The following SDK1 variants were observed in gnomAD, a reference collection of about 807,000 sequenced individuals.
The protein encoded by SDK1 is sidekick cell adhesion molecule 1, also known as protein sidekick-1.
SDK1 carries 157 observed loss-of-function variants against 245.5 expected under a neutral mutation model. That is an observed-to-expected ratio of 0.64 (90% confidence interval 0.56 to 0.73). SDK1 has a LOEUF of 0.73. Among genes scored for constraint, SDK1 ranks in the 30% least tolerant of loss-of-function variants. The pLI is 0.00. For missense variants in SDK1, 3,583 were observed against 3,002.3 expected, an observed-to-expected ratio of 1.19 and a Z score of -4.52; for synonymous variants, 1,647 against 1,278.5, an observed-to-expected ratio of 1.29 and a Z score of -6.15.
chr7:4,222,922 C>A (rs955510484), intron 40 of SDK1, among the ~76,000 whole-genome samples: 1 of 152,074 alleles, frequency 6.6e-6, no homozygotes, highest in Non-Finnish European at 1.5e-5. Flanking sequence ...GGTTCTGGGG[C>A]CAAATTGAGG....
chr7:3,799,128 T>A (rs1463019428), intron 4 of SDK1, among the ~76,000 whole-genome samples: 2 of 152,200 alleles, frequency 1.3e-5, no homozygotes, highest in African/African-American at 4.8e-5. Context: ...TCATGTTTCT[T>A]CTCCTCTTTA....
intron 7 of SDK1, chr7:3,952,190 C>G: frequency 4.3e-6 from 2 of 469,868 alleles, no homozygotes; most frequent in Non-Finnish European, 7.5e-6. Flanking sequence ...GCGGTGAAAC[C>G]CCTGTCATAT....
intron 41 of SDK1, among the ~76,000 whole-genome samples, chr7:4,233,813 C>T (rs1191246603): frequency 6.6e-6 from 1 of 152,160 alleles, no homozygotes; most frequent in Non-Finnish European, 1.5e-5. Context: ...GGCAGGACCC[C>T]AGGCCCCAGA....
intron 1 of SDK1, among the ~76,000 whole-genome samples, chr7:3,407,984 T>G (rs1779097399): frequency 1.3e-5 from 2 of 151,816 alleles, no homozygotes. Context: ...AGAGAGAACC[T>G]AAAAAGACTT....
intron 4 of SDK1, among the ~76,000 whole-genome samples, chr7:3,643,948 G>C (rs1782738491): frequency 6.7e-6 from 1 of 150,096 alleles, no homozygotes; most frequent in Non-Finnish European, 1.5e-5. Flanking sequence ...TGTCACCCAG[G>C]CTGAGGTACA....
intron 44 of SDK1, among the ~76,000 whole-genome samples, chr7:4,249,908 A>G (rs774429186): frequency 7.2e-5 from 11 of 152,188 alleles, no homozygotes; most frequent in Non-Finnish European, 1.2e-4. Context: ...ACTCATTTGA[A>G]GTACACAATT....
intron 4 of SDK1, among the ~76,000 whole-genome samples, chr7:3,744,364 AT>A (rs1779557831): frequency 6.6e-6 from 1 of 152,086 alleles, no homozygotes; most frequent in Admixed American, 6.6e-5. Context: ...TGTAATGTCT[AT>A]TCTATTATAA....
intron 7 of SDK1, among the ~76,000 whole-genome samples, chr7:3,956,997 TTATC>T (rs1402265856): frequency 2.6e-5 from 4 of 152,206 alleles, no homozygotes; most frequent in Non-Finnish European, 4.4e-5. Flanking sequence ...CCGACCATTG[TTATC>T]TATGGATTTT....
At chr7:3,635,484 A>G (rs1381631037) in intron 2 of SDK1, among the ~76,000 whole-genome samples, 1 of 152,252 alleles carries the variant, frequency 6.6e-6, no homozygotes, top group Non-Finnish European at 1.5e-5. Flanking sequence ...AGTTGAATAT[A>G]AGTGATTCAA....
intron 7 of SDK1, among the ~76,000 whole-genome samples, chr7:3,953,714 A>G (rs1165934744): frequency 1.3e-5 from 2 of 152,206 alleles, no homozygotes; most frequent in Admixed American, 1.3e-4. Context: ...CTATCTTAAG[A>G]GCTTTAGTTT....
At chr7:3,774,404 C>G (rs1356045376) in intron 4 of SDK1, among the ~76,000 whole-genome samples, 1 of 152,148 alleles carries the variant, frequency 6.6e-6, no homozygotes, top group African/African-American at 2.4e-5. Flanking sequence ...AGGACAGTGT[C>G]CTTTTTGCCT....
chr7:3,679,789 C>T (rs1034108372), intron 4 of SDK1, among the ~76,000 whole-genome samples: 2 of 152,132 alleles, frequency 1.3e-5, no homozygotes, highest in African/African-American at 2.4e-5. Context: ...GGGATCAGTC[C>T]TGTATTGCTA....
Position 4,232,914 on chromosome 7 carries a change from T to C in SDK1, c.5828-341T>C, listed in dbSNP as rs144990971. On this transcript the variant is annotated intron_variant, in intron 40 of 44. Transcript: ENST00000404826. ...ATTAATGGCTTTAATTTTGAGTTTA[T>C]TCATGTTTTCTTATATGTGAGGTTT... The C allele has an allele frequency of 3.4e-3, 603 of 176,992 alleles. 7 individuals are homozygous for C. Among genetic ancestry groups the C allele is most frequent in the African/African-American group, 0.013 (574 of 42,630 alleles). The allele number at this position is 176,992 out of a possible 1,614,324, so 11.0% of individuals were successfully genotyped here.
intron 4 of SDK1, among the ~76,000 whole-genome samples, chr7:3,716,498 C>T (rs1022538573): frequency 6.6e-6 from 1 of 152,042 alleles, no homozygotes; most frequent in Non-Finnish European, 1.5e-5. Context: ...AATATCAGAC[C>T]TGTAATCCCA....
intron 17 of SDK1, among the ~76,000 whole-genome samples, chr7:4,029,100 T>G (rs10235036): frequency 0.34 from 21,475 of 63,474 alleles, 4,994 homozygotes; most frequent in African/African-American, 0.67. Context: ...TTTTCCGAGG[T>G]GGGTGGGGGT....
chr7:3,581,003 A>AAAC (rs1780470003), intron 1 of SDK1, among the ~76,000 whole-genome samples: 1 of 148,730 alleles, frequency 6.7e-6, no homozygotes, highest in African/African-American at 2.5e-5. Flanking sequence ...AACCAAAACA[A>AAAC]AACCCTGGAA....
Position 3,974,387 on chromosome 7 carries a change from C to G in SDK1, c.1836C>G (p.Asp612Glu). Reference protein sequence around the residue: ...RVSLRYVWKKDNVALTPSSTS... With the variant: ...RVSLRYVWKKENVALTPSSTS... ...CCCACAGCTACGTTTGGAAGAAGGA[C>G]AACGTGGCCCTGACTCCATCGAGCA... The change falls in exon 13 of 45, where the codon GAC becomes GAG. Residue 612 changes from aspartate to glutamate, a missense_variant. Asp to Glu is a conservative substitution (Grantham distance 45). Transcript: ENST00000404826. The G allele has an allele frequency of 1.2e-6, 2 of 1,613,022 alleles. No individual in the cohort carries two copies. Among genetic ancestry groups the G allele is most frequent in the Non-Finnish European group, 1.7e-6 (2 of 1,179,192 alleles).
chr7:4,023,177 A>T (rs779200025), intron 17 of SDK1, among the ~76,000 whole-genome samples: 15 of 152,112 alleles, frequency 9.9e-5, no homozygotes, highest in Non-Finnish European at 1.6e-4. Flanking sequence ...AGCACCTTGG[A>T]CACATGGGGA....
At chr7:3,921,647 G>T (rs552026717) in intron 5 of SDK1, among the ~76,000 whole-genome samples, 1 of 152,180 alleles carries the variant, frequency 6.6e-6, no homozygotes, top group East Asian at 1.9e-4. Context: ...GCTGATTCCT[G>T]CAGGCCTGTT....
Sources: gnomAD v4.1 joint callset for allele counts (sites outside exome capture counted in the v4.1 genomes callset) on GRCh38, gnomAD v4.1.1 for gene constraint, MANE v1.5 for transcripts, NCBI Gene and HGNC (gene_info 2026-07-23, HGNC 2026-07-21) for gene names.